BBOX1: variants seen among roughly 807,000 people sequenced by gnomAD.
BBOX1 encodes gamma-butyrobetaine hydroxylase 1, also known as gamma-butyrobetaine dioxygenase.
In BBOX1, 35 loss-of-function variants were observed where a neutral mutation model predicts 41.6. That is an observed-to-expected ratio of 0.84 (90% CI 0.64 to 1.11). BBOX1 has a LOEUF of 1.11. Among genes scored for constraint, BBOX1 ranks in the 50% most tolerant of loss-of-function variants. The pLI is 0.00. For missense variants in BBOX1, 458 were observed against 460.6 expected (o/e 0.99, Z 0.05); for synonymous variants, 163 against 154.7 (o/e 1.05, Z -0.40).
intron 2 of BBOX1, among the ~76,000 whole-genome samples, chr11:27,052,934 G>A (rs1486287987): frequency 1.3e-5 from 2 of 151,864 alleles, no homozygotes; most frequent in African/African-American, 4.8e-5. Flanking sequence ...GCATATGGCA[G>A]CCAAGTCTTA....
At chr11:27,085,886 G>A (rs1858022121) in intron 4 of BBOX1, among the ~76,000 whole-genome samples, 1 of 152,040 alleles carries the variant, frequency 6.6e-6, no homozygotes, top group Admixed American at 6.6e-5. Context: ...AAGCAAAACA[G>A]CCTTACTGCT....
chr11:27,049,908 C>A (rs1851618028), intron 2 of BBOX1, among the ~76,000 whole-genome samples: 1 of 152,002 alleles, frequency 6.6e-6, no homozygotes, highest in South Asian at 2.1e-4. Context: ...CATTTGGGTT[C>A]ATATCCAAAA....
intron 7 of BBOX1, among the ~76,000 whole-genome samples, chr11:27,122,161 T>C (rs1221889343): frequency 1.3e-5 from 2 of 152,148 alleles, no homozygotes; most frequent in South Asian, 4.1e-4. Flanking sequence ...AAATGTCTTT[T>C]ATGCTGCTGA....
intron 6 of BBOX1, among the ~76,000 whole-genome samples, chr11:27,117,169 T>C (rs7925996): frequency 0.16 from 23,755 of 151,980 alleles, 2,189 homozygotes; most frequent in Middle Eastern, 0.24. Context: ...AATAACCACA[T>C]AGAAACCTAT....
chr11:27,102,974 A>G (rs768710135), intron 5 of BBOX1, among the ~76,000 whole-genome samples: 1 of 152,042 alleles, frequency 6.6e-6, no homozygotes, highest in Non-Finnish European at 1.5e-5. Context: ...GTGGATCACG[A>G]GGTCAGGAGT....
At chr11:27,060,742 T>C (rs1347020105) in intron 4 of BBOX1, among the ~76,000 whole-genome samples, 1 of 152,198 alleles carries the variant, frequency 6.6e-6, no homozygotes, top group Non-Finnish European at 1.5e-5. Context: ...TCTTTAAGCA[T>C]AGACCAGCCA....
chr11:27,097,704 T>C (rs547053452), intron 5 of BBOX1, among the ~76,000 whole-genome samples: 32 of 152,126 alleles, frequency 2.1e-4, no homozygotes, highest in African/African-American at 6.0e-4. Context: ...AGTCAATATA[T>C]GCCAACAGCA....
chr11:27,086,612 T>A (rs1226503426), intron 4 of BBOX1, among the ~76,000 whole-genome samples: 2 of 152,152 alleles, frequency 1.3e-5, no homozygotes, highest in African/African-American at 2.4e-5. Context: ...AGATTGATGC[T>A]GTTTTTATGC....
At chr11:27,106,384 G>C (rs1224787216) in intron 5 of BBOX1, among the ~76,000 whole-genome samples, 3 of 152,068 alleles carry the variant, frequency 2.0e-5, no homozygotes, top group East Asian at 3.9e-4. Flanking sequence ...AAAATAAAGG[G>C]ATGGAGGAAG....
chr11:27,084,060 G>A (rs923451800), intron 4 of BBOX1, among the ~76,000 whole-genome samples: 1 of 152,056 alleles, frequency 6.6e-6, no homozygotes, highest in Non-Finnish European at 1.5e-5. Flanking sequence ...AGCATGCTTG[G>A]CCAGCACACA....
intron 4 of BBOX1, among the ~76,000 whole-genome samples, chr11:27,061,034 T>C (rs1054541374): frequency 2.0e-5 from 3 of 152,218 alleles, no homozygotes; most frequent in African/African-American, 7.2e-5. Context: ...AGACTTCTTC[T>C]GGTACTCAAA....
chr11:27,050,716 T>C (rs1359168130), intron 2 of BBOX1, among the ~76,000 whole-genome samples: 2 of 152,164 alleles, frequency 1.3e-5, no homozygotes, highest in African/African-American at 2.4e-5. Context: ...ACTAAATTTA[T>C]TAGTTCTAAA....
At chr11:27,104,879 C>G (rs957252928) in intron 5 of BBOX1, among the ~76,000 whole-genome samples, 1 of 152,162 alleles carries the variant, frequency 6.6e-6, no homozygotes, top group Non-Finnish European at 1.5e-5. Context: ...GCCTGGTACC[C>G]CTCTGAGACA....
Position 27,093,151 on chromosome 11 carries a change from A to G in BBOX1, c.335-17A>G. ...GAATGTAATCCCATCTGATTTCTTCATTTTATCAATTCACAGAATGCCAAT... is the reference window on the plus strand; with the variant it reads ...GAATGTAATCCCATCTGATTTCTTCGTTTTATCAATTCACAGAATGCCAAT... On this transcript the variant is annotated splice_polypyrimidine_tract_variant and intron_variant, in intron 4 of 8. Coordinates refer to ENST00000263182, the MANE Select transcript of BBOX1 (RefSeq NM_003986.3). The G allele has an allele frequency of 6.2e-7, 1 of 1,608,126 alleles. No individual in the cohort carries two copies. Among genetic ancestry groups the G allele is most frequent in the Non-Finnish European group, 8.5e-7 (1 of 1,175,538 alleles).
intron 3 of BBOX1, 105 bp from the exon 4 acceptor site, chr11:27,057,096 C>CAAAAAAAAAAAAAA (rs1554935646): frequency 2.7e-6 from 1 of 368,220 alleles, no homozygotes; most frequent in African/African-American, 3.1e-5. Context: ...TTAAGCAAAG[C>CAAAAAAAAAAAAAA]ATAATTGGAT....
chr11:27,119,601 A>C, intron 6 of BBOX1, 48 bp from the exon 7 acceptor site: 10 of 1,039,924 alleles, frequency 9.6e-6, no homozygotes, highest in Non-Finnish European at 1.3e-5. Context: ...TCTAATAATT[A>C]AAATGTAATT....
chr11:27,119,632 A>T lies in BBOX1; in HGVS notation c.640-17A>T. ...TAATTTAATATTTATTTAATAATGC[A>T]TATTTTCTTTTTATAGGTTCAGCTT... On this transcript the variant is annotated splice_polypyrimidine_tract_variant and intron_variant, in intron 6 of 8. Coordinates refer to ENST00000263182, the MANE Select transcript of BBOX1 (RefSeq NM_003986.3). 2 of 1,326,732 alleles carry T rather than the reference A, an allele frequency of 1.5e-6. No individual in the cohort carries two copies. Among genetic ancestry groups the T allele is most frequent in the Non-Finnish European group, 2.0e-6 (2 of 1,018,466 alleles). The allele number at this position is 1,326,732 out of a possible 1,614,324, so 82.2% of individuals were successfully genotyped here. A position where few individuals can be genotyped will look rare whatever the true frequency, so the allele number is the denominator to read the frequency against.
intron 4 of BBOX1, among the ~76,000 whole-genome samples, chr11:27,081,207 C>T (rs766273526): frequency 1.3e-5 from 2 of 152,096 alleles, no homozygotes; most frequent in Non-Finnish European, 2.9e-5. Flanking sequence ...AAATAAAGTA[C>T]ATGAATCCAG....
rs74971286 is a variant in BBOX1, at chr11:27,084,956, T to A, written c.335-8212T>A. On this transcript the variant is annotated intron_variant, in intron 4 of 8. Coordinates refer to ENST00000263182, the MANE Select transcript of BBOX1 (RefSeq NM_003986.3). Reference sequence around the variant, plus strand: ...GTTCATATCTTAAATATTCCATCATTTTTCGTAATGTTTATGTACCCAGAC... The same window carrying A: ...GTTCATATCTTAAATATTCCATCATATTTCGTAATGTTTATGTACCCAGAC... Among the ~76,000 whole-genome samples the A allele has an allele frequency of 3.6e-3, 546 of 152,292 alleles. 4 individuals carry two copies. Among genetic ancestry groups the A allele is most frequent in the Admixed American group, 6.8e-3 (104 of 15,286 alleles).
Sources: allele counts gnomAD v4.1 joint callset (sites outside exome capture counted in the v4.1 genomes callset), GRCh38; gene constraint gnomAD v4.1.1; transcripts MANE v1.5; gene names NCBI Gene and HGNC (gene_info 2026-07-23, HGNC 2026-07-21).